The following EXOC6B variants were observed in gnomAD, a reference collection of about 807,000 sequenced individuals.
The protein encoded by EXOC6B is SEC15 homolog B.
EXOC6B carries 54 observed loss-of-function variants against 113.5 expected under a neutral mutation model. The observed-to-expected ratio is 0.48, with a 90% CI of 0.38 to 0.60. The LOEUF (loss-of-function observed/expected upper bound fraction) is 0.60. Ranked by LOEUF, EXOC6B falls within the 20% of genes least tolerant of loss-of-function variation. EXOC6B has a pLI of 0.00. For missense variants in EXOC6B, 797 were observed against 977.5 expected (o/e 0.82, Z 2.46); for synonymous variants, 357 against 339.0 (o/e 1.05, Z -0.58).
At chr2:72,750,571 A>G (rs1182637265) in intron 1 of EXOC6B, among the ~76,000 whole-genome samples, 1 of 152,168 alleles carries the variant, frequency 6.6e-6, no homozygotes, top group Non-Finnish European at 1.5e-5. Flanking sequence ...ATAAAATAGA[A>G]AAACACTTCC....
rs191011969 is a variant in EXOC6B, at chr2:72,305,368, A to G, written c.2196+29579T>C. On this transcript the variant is annotated intron_variant, in intron 20 of 21. Transcript: ENST00000272427. The stretch of plus-strand genomic sequence containing the variant: ...TATATGTATATGTATATGTATATGT[A>G]TATGTGTATGTATATGAATGAGATT... Among the ~76,000 whole-genome samples, 7 of 148,952 alleles carry G rather than the reference A, an allele frequency of 4.7e-5. No individual in the cohort carries two copies. In the South Asian group the frequency reaches 1.1e-3, roughly 23 times the overall value.
chr2:72,680,172 A>T (rs1676599781), intron 6 of EXOC6B, among the ~76,000 whole-genome samples: 1 of 152,174 alleles, frequency 6.6e-6, no homozygotes, highest in African/African-American at 2.4e-5. Flanking sequence ...TGTTTGTGCT[A>T]TTTCTGCAAG....
intron 19 of EXOC6B, among the ~76,000 whole-genome samples, chr2:72,372,883 A>C (rs1456864394): frequency 6.6e-6 from 1 of 152,064 alleles, no homozygotes; most frequent in African/African-American, 2.4e-5. Context: ...AGTCTCTTCA[A>C]TAAATTATGG....
chr2:72,609,914 TACA>T (rs1239897846), intron 6 of EXOC6B, among the ~76,000 whole-genome samples: 2 of 152,050 alleles, frequency 1.3e-5, no homozygotes, highest in Non-Finnish European at 2.9e-5. Flanking sequence ...ACAATTTGAA[TACA>T]ACTAACATCA....
At chr2:72,694,310 TG>T (rs967742549) in intron 6 of EXOC6B, among the ~76,000 whole-genome samples, 2 of 152,022 alleles carry the variant, frequency 1.3e-5, no homozygotes, top group African/African-American at 4.8e-5. Flanking sequence ...GACATGGTGG[TG>T]GGCGCCTGTA....
chr2:72,799,624 G>C (rs1380369226), intron 1 of EXOC6B, among the ~76,000 whole-genome samples: 1 of 152,072 alleles, frequency 6.6e-6, no homozygotes, highest in Non-Finnish European at 1.5e-5. Context: ...TAATATAAAA[G>C]CCTATGCAAA....
Position 72,369,878 on chromosome 2 carries a change from TTAAATGTTAGACC to T in EXOC6B, c.2122+9838_2122+9850del, listed in dbSNP as rs564415977. On this transcript the variant is annotated intron_variant, in intron 19 of 21. Coordinates refer to ENST00000272427, the MANE Select transcript of EXOC6B (RefSeq NM_015189.3). ...AAATTAATTCAAATAGATTAAAGACTTAAATGTTAGACCTAAAACCATAAAAACCCTAGAAGAA... is the reference window on the plus strand; with the variant it reads ...AAATTAATTCAAATAGATTAAAGACTTAAAACCATAAAAACCCTAGAAGAA... 7.5e-3 allele frequency among the ~76,000 whole-genome samples: 1,145 copies of T among 152,296 alleles called. 19 individuals are homozygous for T. The highest frequency in any genetic ancestry group is 0.026 in the African/African-American group (1,079 of 41,546).
At chr2:72,518,337 C>T (rs1275790911) in intron 8 of EXOC6B, among the ~76,000 whole-genome samples, 1 of 152,080 alleles carries the variant, frequency 6.6e-6, no homozygotes, top group Non-Finnish European at 1.5e-5. Context: ...CACCAAAAAC[C>T]AAGTCACTTA....
Position 72,401,526 on chromosome 2 carries a change from T to TATATATATATATATATACATATATAC in EXOC6B, c.1981-21657_1981-21656insGTATATATGTATATATATATATATAT, listed in dbSNP as rs1693191734. Among the ~76,000 whole-genome samples, 18 of 3,978 alleles carry TATATATATATATATATACATATATAC rather than the reference T, an allele frequency of 4.5e-3. 1 individual carries two copies. Among genetic ancestry groups the TATATATATATATATATACATATATAC allele is most frequent in the Non-Finnish European group, 7.0e-3 (15 of 2,144 alleles). 2.6% of individuals were successfully genotyped at this position (3,978 alleles called of 152,430 possible). A position where few individuals can be genotyped will look rare whatever the true frequency, so the allele number is the denominator to read the frequency against. ...ATATATATATATATACATATATACA[T>TATATATATATATATATACATATATAC]ATATATATATATATATATGTGTATA... On this transcript the variant is annotated intron_variant, in intron 18 of 21. Transcript: ENST00000272427.
At chr2:72,383,148 C>A (rs1691791007) in intron 18 of EXOC6B, among the ~76,000 whole-genome samples, 2 of 152,056 alleles carry the variant, frequency 1.3e-5, no homozygotes, top group African/African-American at 4.8e-5. Context: ...CAAATGGGAT[C>A]TAATTAAACC....
chr2:72,334,381 C>G (rs1688572755), intron 20 of EXOC6B, among the ~76,000 whole-genome samples: 1 of 152,116 alleles, frequency 6.6e-6, no homozygotes, highest in African/African-American at 2.4e-5. Flanking sequence ...GGGTTAGCAT[C>G]ACTGGTCCAG....
At chr2:72,235,510 C>G (rs1681908897) in intron 20 of EXOC6B, among the ~76,000 whole-genome samples, 1 of 152,096 alleles carries the variant, frequency 6.6e-6, no homozygotes. Flanking sequence ...CTGTGACATG[C>G]AATTTACCTA....
intron 6 of EXOC6B, among the ~76,000 whole-genome samples, chr2:72,599,567 G>C (rs1341458795): frequency 1.3e-5 from 2 of 151,934 alleles, no homozygotes; most frequent in Non-Finnish European, 2.9e-5. Context: ...AGCAAGAAAA[G>C]GAAACAAAAT....
At chr2:72,518,117 T>C (rs1185692901) in intron 8 of EXOC6B, among the ~76,000 whole-genome samples, 1 of 152,184 alleles carries the variant, frequency 6.6e-6, no homozygotes, top group Non-Finnish European at 1.5e-5. Context: ...GTGCAGTGCC[T>C]GTCTATTCAC....
intron 1 of EXOC6B, among the ~76,000 whole-genome samples, chr2:72,748,996 C>A (rs1681869480): frequency 6.6e-6 from 1 of 152,068 alleles, no homozygotes; most frequent in Non-Finnish European, 1.5e-5. Flanking sequence ...TAATCACCAA[C>A]AGTAACTGAA....
intron 20 of EXOC6B, among the ~76,000 whole-genome samples, chr2:72,283,386 T>TGA (rs1685245749): frequency 6.6e-6 from 1 of 152,170 alleles, no homozygotes; most frequent in Non-Finnish European, 1.5e-5. Context: ...CAGGGTAAAC[T>TGA]GCTGCCTCTC....
chr2:72,401,547 GTA>G (rs1199841154), intron 18 of EXOC6B, among the ~76,000 whole-genome samples: 7,175 of 20,200 alleles, frequency 0.36, 1,596 homozygotes, highest in South Asian at 0.42. Flanking sequence ...ATATATATGT[GTA>G]TATATATATA....
intron 1 of EXOC6B, among the ~76,000 whole-genome samples, chr2:72,777,493 A>C (rs527237427): frequency 6.6e-6 from 1 of 152,136 alleles, no homozygotes; most frequent in African/African-American, 2.4e-5. Flanking sequence ...GAAATGAAAA[A>C]GAAATTAAGA....
chr2:72,414,897 TTTTTTGTTTTTG>T (rs200362779), intron 18 of EXOC6B, among the ~76,000 whole-genome samples: 6 of 151,462 alleles, frequency 4.0e-5, no homozygotes, highest in South Asian at 2.1e-4. Flanking sequence ...TTATTATTAG[TTTTTTGTTTTTG>T]TTTTTGTTTT....
Sources: allele counts gnomAD v4.1 joint callset (sites outside exome capture counted in the v4.1 genomes callset), GRCh38; gene constraint gnomAD v4.1.1; transcripts MANE v1.5; gene names NCBI Gene and HGNC (gene_info 2026-07-23, HGNC 2026-07-21).